PPP3CA: variants seen among roughly 807,000 people sequenced by gnomAD.
The protein encoded by PPP3CA is CAM-PRP catalytic subunit.
A neutral mutation model predicts 66.5 loss-of-function variants in PPP3CA; 14 were observed. The observed-to-expected ratio is 0.21, with a 90% CI of 0.14 to 0.33. The LOEUF (loss-of-function observed/expected upper bound fraction) is 0.33. PPP3CA is among the 10% of genes least tolerant of loss of function. The pLI is 1.00. For synonymous variants in PPP3CA, 232 were observed against 226.2 expected (o/e 1.03, Z -0.23); for missense variants, 317 against 639.5 (o/e 0.50, Z 5.44).
intron 2 of PPP3CA, among the ~76,000 whole-genome samples, chr4:101,160,889 C>T (rs1723483211): frequency 6.6e-6 from 1 of 152,056 alleles, no homozygotes; most frequent in Non-Finnish European, 1.5e-5. Flanking sequence ...AAGACAAAAT[C>T]TGAATCCTTG....
At chr4:101,086,240 A>T (rs1190965974) in intron 6 of PPP3CA, among the ~76,000 whole-genome samples, 1 of 152,170 alleles carries the variant, frequency 6.6e-6, no homozygotes, top group African/African-American at 2.4e-5. Context: ...GTTATATATT[A>T]AAGAGAATGA....
At chr4:101,140,549 G>A (rs1481067502) in intron 2 of PPP3CA, among the ~76,000 whole-genome samples, 1 of 152,066 alleles carries the variant, frequency 6.6e-6, no homozygotes, top group Non-Finnish European at 1.5e-5. Context: ...TATCTTCTCT[G>A]GGTAAGATGC....
intron 8 of PPP3CA, among the ~76,000 whole-genome samples, chr4:101,080,184 C>T (rs911824301): frequency 6.6e-6 from 1 of 152,128 alleles, no homozygotes; most frequent in African/African-American, 2.4e-5. Context: ...TGGACAATCA[C>T]ACTTATTCTA....
At chr4:101,133,433 CAT>C (rs146471912) in intron 2 of PPP3CA, among the ~76,000 whole-genome samples, 13,693 of 152,162 alleles carry the variant, frequency 0.09, 1,139 homozygotes, top group East Asian at 0.3. Context: ...GCAAAAATCA[CAT>C]GTTTTCCTAT....
In PPP3CA at chr4:101,338,737, T is replaced by C. The variant is rs142494134; in HGVS notation, c.58+8002A>G. Among the ~76,000 whole-genome samples, 739 of 152,316 alleles carry C rather than the reference T, an allele frequency of 4.9e-3. 3 individuals are homozygous for C. The highest frequency in any genetic ancestry group is 7.6e-3 in the Non-Finnish European group (514 of 68,034). ...TGAAGCTCGAAAGAAGAGAACTGAA[T>C]GATCAGGAGAACATTTGTTATCCCA... On this transcript the variant is annotated intron_variant, in intron 1 of 13. Coordinates refer to ENST00000394854, the MANE Select transcript of PPP3CA (RefSeq NM_000944.5).
At chr4:101,128,204 T>C (rs1175925598) in intron 2 of PPP3CA, among the ~76,000 whole-genome samples, 1 of 152,168 alleles carries the variant, frequency 6.6e-6, no homozygotes, top group Non-Finnish European at 1.5e-5. Flanking sequence ...TGAGTTATAG[T>C]GTTCTATACC....
At chr4:101,093,602 C>T (rs959364457) in intron 6 of PPP3CA, among the ~76,000 whole-genome samples, 174 bp downstream of exon 6, 5 of 152,178 alleles carry the variant, frequency 3.3e-5, no homozygotes, top group Non-Finnish European at 7.3e-5. Context: ...ATCTATTTCA[C>T]ATTTATTTAC....
chr4:101,168,173 T>C (rs1254021792), intron 2 of PPP3CA, among the ~76,000 whole-genome samples: 1 of 152,106 alleles, frequency 6.6e-6, no homozygotes, highest in African/African-American at 2.4e-5. Context: ...ATTCCAGGCA[T>C]AGTTTAAAGA....
chr4:101,043,633 G>T (rs1370223302), intron 10 of PPP3CA, among the ~76,000 whole-genome samples: 1 of 151,880 alleles, frequency 6.6e-6, no homozygotes, highest in African/African-American at 2.4e-5. Flanking sequence ...CCAGCACTTT[G>T]GGAGACTGAG....
intron 8 of PPP3CA, among the ~76,000 whole-genome samples, chr4:101,075,287 G>C (rs72929324): frequency 0.3 from 45,362 of 151,866 alleles, 7,116 homozygotes; most frequent in South Asian, 0.47. Flanking sequence ...GAATTGGTTT[G>C]TTTCTTGGTT....
intron 1 of PPP3CA, among the ~76,000 whole-genome samples, chr4:101,309,670 T>C (rs1728659702): frequency 1.3e-5 from 2 of 152,244 alleles, no homozygotes; most frequent in Non-Finnish European, 2.9e-5. Flanking sequence ...CTGTGAAAAT[T>C]CCAATTATAC....
At chr4:101,091,897 A>G (rs1729966581) in intron 6 of PPP3CA, among the ~76,000 whole-genome samples, 1 of 122,812 alleles carries the variant, frequency 8.1e-6, no homozygotes, top group South Asian at 2.4e-4. Context: ...AGGAAGGAGG[A>G]GAAGAGGAGG....
intron 1 of PPP3CA, among the ~76,000 whole-genome samples, chr4:101,331,364 T>C (rs1729380309): frequency 6.6e-6 from 1 of 152,256 alleles, no homozygotes; most frequent in African/African-American, 2.4e-5. Context: ...TTCATTATTC[T>C]TGTATAATAA....
chr4:101,089,469 A>C (rs1729816169), intron 6 of PPP3CA, among the ~76,000 whole-genome samples: 1 of 152,222 alleles, frequency 6.6e-6, no homozygotes, highest in African/African-American at 2.4e-5. Context: ...TGTAGCTTCC[A>C]AAACACTTCA....
intron 2 of PPP3CA, among the ~76,000 whole-genome samples, chr4:101,185,032 T>C (rs987997667): frequency 1.3e-5 from 2 of 152,116 alleles, no homozygotes; most frequent in Non-Finnish European, 2.9e-5. Flanking sequence ...AAATGTCTTT[T>C]TAAATGGTAG....
At chr4:101,244,402 T>C (rs1376124506) in intron 1 of PPP3CA, among the ~76,000 whole-genome samples, 1 of 152,172 alleles carries the variant, frequency 6.6e-6, no homozygotes, top group African/African-American at 2.4e-5. Flanking sequence ...ATTAACCTCT[T>C]CAATCTGCAA....
At chr4:101,250,826 A>G (rs1726651009) in intron 1 of PPP3CA, among the ~76,000 whole-genome samples, 1 of 152,078 alleles carries the variant, frequency 6.6e-6, no homozygotes. Flanking sequence ...TGATAAATAT[A>G]ATAGATTGCT....
Position 101,226,662 on chromosome 4 carries a change from T to A in PPP3CA, c.59-30546A>T, listed in dbSNP as rs146539923. On this transcript the variant is annotated intron_variant, in intron 1 of 13. Coordinates refer to ENST00000394854, the MANE Select transcript of PPP3CA (RefSeq NM_000944.5). The stretch of plus-strand genomic sequence containing the variant: ...TGGGAAGTCCTTGAAACCTGGCACA[T>A]CCTTTACAAGTAACATTTTTACTCA... Among the ~76,000 whole-genome samples the A allele has an allele frequency of 1.6e-3, 241 of 151,840 alleles. 1 individual carries two copies. The highest frequency in any genetic ancestry group is 5.3e-3 in the African/African-American group (219 of 41,508).
At chr4:101,071,118 C>T (rs984640689) in intron 8 of PPP3CA, among the ~76,000 whole-genome samples, 2 of 152,134 alleles carry the variant, frequency 1.3e-5, no homozygotes, top group South Asian at 2.1e-4. Flanking sequence ...CTTCACCTTG[C>T]TCTCATTCAG....
Sources: gnomAD v4.1 joint callset for allele counts (sites outside exome capture counted in the v4.1 genomes callset) on GRCh38, gnomAD v4.1.1 for gene constraint, MANE v1.5 for transcripts, NCBI Gene and HGNC (gene_info 2026-07-23, HGNC 2026-07-21) for gene names.